The following SPIDR variants were observed in gnomAD, a reference collection of about 807,000 sequenced individuals.
SPIDR encodes the protein scaffold protein involved in DNA repair, also known as DNA repair-scaffolding protein.
SPIDR carries 93 observed loss-of-function variants against 104.6 expected under a neutral mutation model. The observed-to-expected ratio is 0.89, with a 90% confidence interval of 0.75 to 1.06. SPIDR has a LOEUF of 1.06. Ranked by LOEUF, SPIDR falls within the 50% of genes least tolerant of loss-of-function variation. SPIDR has a pLI of 0.00. For missense variants in SPIDR, 1,154 were observed against 1,111.2 expected, an observed-to-expected ratio of 1.04 and a Z score of -0.55; for synonymous variants, 431 against 416.9, an observed-to-expected ratio of 1.03 and a Z score of -0.41.
At chr8:47,499,395 C>T (rs2079985799) in intron 8 of SPIDR, among the ~76,000 whole-genome samples, 1 of 152,108 alleles carries the variant, frequency 6.6e-6, no homozygotes, top group African/African-American at 2.4e-5. Flanking sequence ...AATATAGTTC[C>T]ACCCCAGGCT....
At chr8:47,480,975 T>C (rs1388322206) in intron 8 of SPIDR, among the ~76,000 whole-genome samples, 1 of 152,218 alleles carries the variant, frequency 6.6e-6, no homozygotes, top group Non-Finnish European at 1.5e-5. Context: ...AAAAGAGACA[T>C]TGAAAAGTTA....
chr8:47,619,478 A>G (rs990876045), intron 10 of SPIDR, among the ~76,000 whole-genome samples: 9 of 152,062 alleles, frequency 5.9e-5, no homozygotes, highest in African/African-American at 1.2e-4. Context: ...GCTCTCTCCT[A>G]TCTTGAGCTT....
rs556340430 is a variant in SPIDR, at chr8:47,444,739, A to G, written c.1097+4197A>G. On this transcript the variant is annotated intron_variant, in intron 8 of 19. Coordinates refer to ENST00000297423, the MANE Select transcript of SPIDR (RefSeq NM_001080394.4). Reference sequence around the variant, plus strand: ...CAGTGGGTTTTGAGCCTTTTGATATATGATTTCCATAGTAACCTGTAAAGG... The same window carrying G: ...CAGTGGGTTTTGAGCCTTTTGATATGTGATTTCCATAGTAACCTGTAAAGG... 1.4e-4 allele frequency among the ~76,000 whole-genome samples: 22 copies of G among 152,290 alleles called. No individual in the cohort carries two copies. The South Asian group carries it at 4.6e-3, about 32-fold the overall frequency.
At chr8:47,546,819 TG>T (rs1338083762) in intron 8 of SPIDR, 1 of 260,802 alleles carries the variant, frequency 3.8e-6, no homozygotes, top group Admixed American at 4.6e-5. Flanking sequence ...CTGCTGTGTT[TG>T]GCTGCCAGTC....
At chr8:47,449,164 G>C (rs993102784) in intron 8 of SPIDR, among the ~76,000 whole-genome samples, 6 of 152,114 alleles carry the variant, frequency 3.9e-5, no homozygotes, top group Non-Finnish European at 5.9e-5. Flanking sequence ...GAGGCAACAG[G>C]GTTTGCTGAT....
At chr8:47,655,973 G>A (rs1384034133) in intron 10 of SPIDR, among the ~76,000 whole-genome samples, 1 of 152,130 alleles carries the variant, frequency 6.6e-6, no homozygotes, top group Non-Finnish European at 1.5e-5. Context: ...AGAAAGAAGA[G>A]TCATTCCAAT....
intron 2 of SPIDR, among the ~76,000 whole-genome samples, chr8:47,280,540 G>A (rs1279016512): frequency 4.6e-5 from 7 of 151,802 alleles, no homozygotes; most frequent in East Asian, 1.9e-4. Context: ...TTACAGGTGC[G>A]TGCCACCACA....
chr8:47,285,603 G>GA lies in SPIDR; in HGVS notation c.256+1510dup, dbSNP rs1252441243. Reference sequence around the variant, plus strand: ...AGACCTCTCTCCTTGGCTTGTAGATGATTGCCTTCTTCCTCTCTCTCTTCC... The same window carrying GA: ...AGACCTCTCTCCTTGGCTTGTAGATGAATTGCCTTCTTCCTCTCTCTCTTCC... On this transcript the variant is annotated intron_variant, in intron 3 of 19. Transcript: ENST00000297423. 3.3e-5 allele frequency among the ~76,000 whole-genome samples: 5 copies of GA among 152,256 alleles called. No homozygotes were observed. In the South Asian group the frequency reaches 1.0e-3, roughly 32 times the overall value.
intron 8 of SPIDR, among the ~76,000 whole-genome samples, chr8:47,447,040 C>G (rs1554702364): frequency 1.3e-5 from 2 of 152,126 alleles, no homozygotes; most frequent in Admixed American, 1.3e-4. Context: ...TCTTCAGTGA[C>G]TTCAGGGGTT....
intron 16 of SPIDR, among the ~76,000 whole-genome samples, chr8:47,718,761 G>T (rs969654516): frequency 1.3e-5 from 2 of 152,092 alleles, no homozygotes; most frequent in African/African-American, 4.8e-5. Context: ...GCAATGGCAG[G>T]ATTCTTTTTT....
chr8:47,494,268 G>A (rs2079129532), intron 8 of SPIDR, among the ~76,000 whole-genome samples: 1 of 149,266 alleles, frequency 6.7e-6, no homozygotes, highest in African/African-American at 2.5e-5. Flanking sequence ...GACTACAAGT[G>A]TAAGCCACCA....
rs376897499 is a variant in SPIDR, at chr8:47,397,681, C to T, written c.776+1055C>T. Reference sequence around the variant, plus strand: ...CATAAGAAGACCAGCCTGGCATGCACTGAGGGGAGCCCAGGGTCTGTGGCT... The same window carrying T: ...CATAAGAAGACCAGCCTGGCATGCATTGAGGGGAGCCCAGGGTCTGTGGCT... On this transcript the variant is annotated intron_variant, in intron 6 of 19. Transcript: ENST00000297423. Among the ~76,000 whole-genome samples, 9 of 152,094 alleles carry T rather than the reference C, an allele frequency of 5.9e-5. No individual in the cohort carries two copies. The East Asian group carries it at 9.7e-4, about 16-fold the overall frequency.
Position 47,706,042 on chromosome 8 carries a change from G to T in SPIDR, c.1977+4027G>T, listed in dbSNP as rs1372801387. 3.3e-5 allele frequency among the ~76,000 whole-genome samples: 5 copies of T among 152,216 alleles called. No individual in the cohort carries two copies. The East Asian group carries it at 7.7e-4, about 24-fold the overall frequency. The stretch of plus-strand genomic sequence containing the variant: ...TAGATTGCAAAGAAATACACGGGGG[G>T]TCTGGTGCACCCCTCCACCCCCATG... On this transcript the variant is annotated intron_variant, in intron 14 of 19. Coordinates refer to ENST00000297423, the MANE Select transcript of SPIDR (RefSeq NM_001080394.4).
intron 10 of SPIDR, among the ~76,000 whole-genome samples, chr8:47,659,132 C>T (rs28407704): frequency 0.028 from 4,283 of 151,862 alleles, 215 homozygotes; most frequent in African/African-American, 0.097. Context: ...GTGGTGAGTG[C>T]GCCTGTGGTC....
chr8:47,616,680 A>G (rs913246681), intron 10 of SPIDR, among the ~76,000 whole-genome samples: 15 of 152,230 alleles, frequency 9.9e-5, no homozygotes, highest in South Asian at 6.2e-4. Flanking sequence ...TTAGCTGTAT[A>G]GAAAAGTTTG....
chr8:47,605,339 C>T (rs1369585577), intron 10 of SPIDR, among the ~76,000 whole-genome samples: 1 of 152,084 alleles, frequency 6.6e-6, no homozygotes, highest in East Asian at 1.9e-4. Context: ...GGTCACTTCA[C>T]GAGCAGGAGG....
rs370113084 is a variant in SPIDR at position 47,297,622 on chromosome 8, G to A, written c.525+3592G>A. Among the ~76,000 whole-genome samples, 19 of 151,112 alleles carry A rather than the reference G, an allele frequency of 1.3e-4. No homozygotes were observed. The South Asian group carries it at 1.3e-3, about 10-fold the overall frequency. On this transcript the variant is annotated intron_variant, in intron 5 of 19. Coordinates refer to ENST00000297423, the MANE Select transcript of SPIDR (RefSeq NM_001080394.4). ...TCCCTCCCCACCTCCCCCACCCCAC[G>A]ACAGGCGCCGGTGTGTGATGTTCCC...
At position 47,629,313 on chromosome 8, in the gene SPIDR, T is replaced by C. The variant is rs2066687840; in HGVS notation, c.1544+30117T>C. ...GGTCTGGGTTTTGGGGGTTTTATTT[T>C]ATTTATACATAGCAGGTATTGGCAA... On this transcript the variant is annotated intron_variant, in intron 10 of 19. Coordinates refer to ENST00000297423, the MANE Select transcript of SPIDR (RefSeq NM_001080394.4). Among the ~76,000 whole-genome samples, 2 of 152,234 alleles carry C rather than the reference T, an allele frequency of 1.3e-5. 1 individual carries two copies. Among genetic ancestry groups the C allele is most frequent in the Admixed American group, 1.3e-4 (2 of 15,290 alleles).
intron 2 of SPIDR, among the ~76,000 whole-genome samples, chr8:47,282,590 G>C (rs2038006692): frequency 6.6e-6 from 1 of 152,188 alleles, no homozygotes; most frequent in African/African-American, 2.4e-5. Context: ...TTAGGACCTT[G>C]CTCTGGATTC....
Sources: gnomAD v4.1 joint callset for allele counts (sites outside exome capture counted in the v4.1 genomes callset) on GRCh38, gnomAD v4.1.1 for gene constraint, MANE v1.5 for transcripts, NCBI Gene and HGNC (gene_info 2026-07-23, HGNC 2026-07-21) for gene names.